ONECUT2: variants seen among roughly 807,000 people sequenced by gnomAD.
ONECUT2 encodes the protein one cut homeobox 2.
A neutral mutation model predicts 27.9 loss-of-function variants in ONECUT2; 10 were observed. That is an observed-to-expected ratio of 0.36 (90% CI 0.22 to 0.61). ONECUT2 has a LOEUF of 0.61. ONECUT2 is among the 20% of genes least tolerant of loss of function. The probability of loss-of-function intolerance (pLI) is 0.73; values close to 1 mark genes in which losing one functional copy is unlikely to be tolerated. For missense variants in ONECUT2, 686 were observed against 721.0 expected (o/e 0.95, Z 0.56); for synonymous variants, 334 against 315.1 (o/e 1.06, Z -0.64).
intron 1 of ONECUT2, among the ~76,000 whole-genome samples, chr18:57,472,397 G>A (rs182495333): frequency 1.1e-4 from 16 of 152,276 alleles, no homozygotes; most frequent in Non-Finnish European, 2.1e-4. Flanking sequence ...TTTCAAGGCA[G>A]GTGTTCTCCC....
intron 1 of ONECUT2, among the ~76,000 whole-genome samples, chr18:57,445,265 C>T (rs1242944351): frequency 6.6e-6 from 1 of 152,158 alleles, no homozygotes. Context: ...ACTGAAGTCA[C>T]TTGAAAAGAG....
chr18:57,462,723 CTTTTTTTTTTT>C (rs57032206), intron 1 of ONECUT2, among the ~76,000 whole-genome samples: 6 of 69,000 alleles, frequency 8.7e-5, no homozygotes, highest in East Asian at 4.3e-4. Flanking sequence ...TATTTTCTTT[CTTTTTTTTTTT>C]TTTTTTTTTT....
intron 1 of ONECUT2, among the ~76,000 whole-genome samples, chr18:57,476,168 A>G (rs1267420035): frequency 1.3e-5 from 2 of 152,138 alleles, no homozygotes; most frequent in Non-Finnish European, 2.9e-5. Context: ...AGCAGGGAGG[A>G]TGTAAAAGGG....
chr18:57,456,734 G>T (rs985411123), intron 1 of ONECUT2, among the ~76,000 whole-genome samples: 1 of 152,110 alleles, frequency 6.6e-6, no homozygotes, highest in Non-Finnish European at 1.5e-5. Context: ...ATTTTGTTGT[G>T]TATATTTTAC....
chr18:57,438,728 T>G (rs540844618), intron 1 of ONECUT2, among the ~76,000 whole-genome samples: 73 of 152,310 alleles, frequency 4.8e-4, no homozygotes, highest in African/African-American at 1.7e-3. Context: ...TCCGGATACT[T>G]TGAGTGGATT....
chr18:57,462,510 C>G (rs934220212), intron 1 of ONECUT2, among the ~76,000 whole-genome samples: 2 of 152,106 alleles, frequency 1.3e-5, no homozygotes, highest in Non-Finnish European at 2.9e-5. Context: ...CTCAACCTTC[C>G]AAGTAGCTGG....
At chr18:57,454,737 G>A (rs1347023328) in intron 1 of ONECUT2, among the ~76,000 whole-genome samples, 1 of 152,142 alleles carries the variant, frequency 6.6e-6, no homozygotes, top group Non-Finnish European at 1.5e-5. Flanking sequence ...TGGGCATGCT[G>A]TTTGCAAACT....
At chr18:57,437,990 T>G (rs1345595638) in intron 1 of ONECUT2, among the ~76,000 whole-genome samples, 2 of 152,206 alleles carry the variant, frequency 1.3e-5, no homozygotes, top group Non-Finnish European at 2.9e-5. Context: ...GCGGGTTACA[T>G]TGTTCTGGAG....
In ONECUT2 at chr18:57,483,818, C is replaced by T. The variant is rs1171249563; in HGVS notation, c.*7095C>T. 1 of 152,608 alleles carries T rather than the reference C, an allele frequency of 6.6e-6. No homozygotes were observed. The highest frequency in any genetic ancestry group is 2.4e-5 in the African/African-American group (1 of 41,448). The allele number at this position is 152,608 out of a possible 1,614,324, so 9.5% of individuals were successfully genotyped here. A position where few individuals can be genotyped will look rare whatever the true frequency, so the allele number is the denominator to read the frequency against. On this transcript the variant is annotated 3_prime_UTR_variant, in exon 2 of 2. Transcript: ENST00000491143. ...CCCACCTGGTACCAGGCGAACTTCA[C>T]CTCTTAATTATTGTGGCCCTCGGAG... is the stretch of plus-strand genomic sequence containing the variant.
chr18:57,446,869 G>T (rs374770470), intron 1 of ONECUT2, among the ~76,000 whole-genome samples: 2 of 152,166 alleles, frequency 1.3e-5, no homozygotes, highest in African/African-American at 4.8e-5. Flanking sequence ...AAAAATAGCC[G>T]TGGGAGGGAA....
At chr18:57,459,653 G>C (rs542562665) in intron 1 of ONECUT2, among the ~76,000 whole-genome samples, 1 of 152,262 alleles carries the variant, frequency 6.6e-6, no homozygotes, top group East Asian at 1.9e-4. Flanking sequence ...TCTGCCTCTG[G>C]GTTCAAGCAA....
rs138948271 is a variant in ONECUT2 at position 57,482,473 on chromosome 18, T to G, written c.*5750T>G. The G allele has an allele frequency of 6.6e-6, 1 of 152,178 alleles. No individual in the cohort carries two copies. The highest frequency in any genetic ancestry group is 1.5e-5 in the Non-Finnish European group (1 of 68,028). The allele number at this position is 152,178 out of a possible 1,614,324, so 9.4% of individuals were successfully genotyped here. On this transcript the variant is annotated 3_prime_UTR_variant, in exon 2 of 2. Transcript: ENST00000491143. ...GTTATTGCTAGAGCCCAAGCTTTCC[T>G]TGGAGGTTTTGGAGTTAGGTTGATT...
intron 1 of ONECUT2, among the ~76,000 whole-genome samples, chr18:57,465,209 C>G (rs1333899356): frequency 1.3e-5 from 2 of 152,148 alleles, no homozygotes; most frequent in African/African-American, 4.8e-5. Flanking sequence ...GTCACCCAGG[C>G]TGGAGTGCAG....
Position 57,476,870 on chromosome 18 carries a change from T to C in ONECUT2, c.*147T>C, listed in dbSNP as rs996138733. 5 of 911,726 alleles carry C rather than the reference T, an allele frequency of 5.5e-6. No homozygotes were observed. In the African/African-American group the frequency reaches 8.4e-5, roughly 15 times the overall value. The allele number at this position is 911,726 out of a possible 1,614,324, so 56.5% of individuals were successfully genotyped here. A position where few individuals can be genotyped will look rare whatever the true frequency, so the allele number is the denominator to read the frequency against. On this transcript the variant is annotated 3_prime_UTR_variant, in exon 2 of 2. Coordinates refer to ENST00000491143, the MANE Select transcript of ONECUT2 (RefSeq NM_004852.3). The stretch of plus-strand genomic sequence containing the variant: ...AATTCTCTTGCAAAGAAACTTATAT[T>C]CTAGCTGTAATCATAGGCCAGGTGT...
chr18:57,472,730 G>T (rs1367948941), intron 1 of ONECUT2, among the ~76,000 whole-genome samples: 1 of 152,008 alleles, frequency 6.6e-6, no homozygotes, highest in Non-Finnish European at 1.5e-5. Flanking sequence ...TTAAATATAT[G>T]TATCTCACAC....
At chr18:57,440,206 C>G (rs1426402781) in intron 1 of ONECUT2, among the ~76,000 whole-genome samples, 2 of 152,218 alleles carry the variant, frequency 1.3e-5, no homozygotes, top group African/African-American at 2.4e-5. Flanking sequence ...CCTTGCAGGG[C>G]GGTTTTCAGC....
chr18:57,462,585 G>T (rs1194911462), intron 1 of ONECUT2, among the ~76,000 whole-genome samples: 2 of 151,928 alleles, frequency 1.3e-5, no homozygotes, highest in Non-Finnish European at 2.9e-5. Flanking sequence ...TAGAGACAGG[G>T]TCTCACTTTG....
chr18:57,452,589 T>G (rs1278572773), intron 1 of ONECUT2, among the ~76,000 whole-genome samples: 3 of 152,316 alleles, frequency 2.0e-5, no homozygotes, highest in African/African-American at 7.2e-5. Context: ...TATGCCCAGC[T>G]AATTTTCATA....
chr18:57,475,564 G>A (rs962816335), intron 1 of ONECUT2, among the ~76,000 whole-genome samples: 8 of 152,124 alleles, frequency 5.3e-5, no homozygotes, highest in Non-Finnish European at 1.2e-4. Context: ...GAATACTACA[G>A]AGGCCTGGTT....
Sources: gnomAD v4.1 joint callset for allele counts (sites outside exome capture counted in the v4.1 genomes callset) on GRCh38, gnomAD v4.1.1 for gene constraint, MANE v1.5 for transcripts, NCBI Gene and HGNC (gene_info 2026-07-23, HGNC 2026-07-21) for gene names.